GPKOW: variants seen among roughly 807,000 people sequenced by gnomAD.
The protein encoded by GPKOW is G-patch domain and KOW motifs.
For missense variants in GPKOW, 359 were observed against 404.7 expected, an observed-to-expected ratio of 0.89 and a Z score of 0.97; for synonymous variants, 167 against 159.1, an observed-to-expected ratio of 1.05 and a Z score of -0.37.
At chrX:49,121,242 C>T (rs927618658) in intron 3 of GPKOW, among the ~76,000 whole-genome samples, 1 of 109,725 alleles carries the variant, frequency 9.1e-6, no homozygotes, top group Non-Finnish European at 1.9e-5. Context: ...GCCTGACCAA[C>T]GTGGCGAAAC....
rs2065195937 is a variant in GPKOW, at chrX:49,117,015, A to G, written c.913+15T>C. The G allele has an allele frequency of 8.3e-7, 1 of 1,203,441 alleles. No homozygotes were observed. Among genetic ancestry groups the G allele is most frequent in the African/African-American group, 1.7e-5 (1 of 57,496 alleles). On this transcript the variant is annotated intron_variant, in intron 6 of 10. Transcript: ENST00000156109. Reference sequence around the variant, plus strand: ...GCGTTGCCAACTCCCCTAGCTCTACAAGAGGCTCACTCACTGAGATCCAAG... The same window carrying G: ...GCGTTGCCAACTCCCCTAGCTCTACGAGAGGCTCACTCACTGAGATCCAAG...
Position 49,113,778 on chromosome X carries a change from T to C in GPKOW, c.1297-23A>G, listed in dbSNP as rs782039099. The C allele has an allele frequency of 1.2e-5, 15 of 1,206,728 alleles. No homozygotes were observed. The South Asian group carries it at 2.7e-4, about 21-fold the overall frequency. ...CACCTGGAACAGAGGTGAAGTGGAA[T>C]CAGCAAGGCAAGCCTAGACCCTGGG... On this transcript the variant is annotated intron_variant, in intron 10 of 10. Coordinates refer to ENST00000156109, the MANE Select transcript of GPKOW (RefSeq NM_015698.6).
At chrX:49,117,970 G>C (rs1330326477) in intron 4 of GPKOW, among the ~76,000 whole-genome samples, 160 bp from the exon 5 acceptor site, 1 of 103,616 alleles carries the variant, frequency 9.7e-6, no homozygotes, top group Non-Finnish European at 1.9e-5. Flanking sequence ...ATCCAGGCTG[G>C]AGTACAATGG....
chrX:49,117,518 C>T, intron 5 of GPKOW, 79 bp downstream of exon 5: 1 of 740,879 alleles, frequency 1.3e-6, no homozygotes. Context: ...ACCTCAAATC[C>T]AATTATTCCT....
Position 49,113,757 on chromosome X carries a change from T to TG in GPKOW, c.1297-3dup. On this transcript the variant is annotated splice_region_variant and splice_polypyrimidine_tract_variant and intron_variant, in intron 10 of 10. Transcript: ENST00000156109. ...GTCCCGGCTCAGCAAATGTCCCACCTGGAACAGAGGTGAAGTGGAATCAGC... is the reference window on the plus strand; with the variant it reads ...GTCCCGGCTCAGCAAATGTCCCACCTGGGAACAGAGGTGAAGTGGAATCAGC... The TG allele has an allele frequency of 8.3e-7, 1 of 1,208,159 alleles. No homozygotes were observed.
Position 49,122,775 on chromosome X carries a change from C to T in GPKOW, c.178G>A (p.Val60Met). Residue 60 changes from valine to methionine, a missense_variant and splice_region_variant, in exon 2 of 11, where the codon GTG becomes ATG. Transcript: ENST00000156109. ...TCCTTGGGGGCCTCCTGGGGCTTCA[C>T]ACTGATGTGGACACAGAGGGGTGGG... ...KTVEGRELQS[V>M]KPQEAPKELV... 8.3e-7 allele frequency: 1 copy of T among 1,206,893 alleles called. No homozygotes were observed. The highest frequency in any genetic ancestry group is 1.1e-6 in the Non-Finnish European group (1 of 891,589).
rs183308362 is a variant in GPKOW at position 49,121,500 on chromosome X, T to C, written c.456+898A>G. Among the ~76,000 whole-genome samples the C allele has an allele frequency of 2.9e-4, 32 of 111,217 alleles. 1 individual carries two copies. Among genetic ancestry groups the C allele is most frequent in the Admixed American group, 2.6e-3 (27 of 10,352 alleles). ...CACATCTGAAGGCTGAAGAGAACAG[T>C]TCAGTTGAAAGAGAGAGTGGTGTGG... On this transcript the variant is annotated intron_variant, in intron 3 of 10. Coordinates refer to ENST00000156109, the MANE Select transcript of GPKOW (RefSeq NM_015698.6).
intron 9 of GPKOW, among the ~76,000 whole-genome samples, chrX:49,115,514 AAAAAAAAG>A (rs1305984780): frequency 4.5e-5 from 4 of 88,541 alleles, no homozygotes; most frequent in South Asian, 6.4e-4. Flanking sequence ...CTCAAAAAAA[AAAAAAAAG>A]AAAAAAAAGA....
At chrX:49,121,259 T>C (rs2065212130) in intron 3 of GPKOW, among the ~76,000 whole-genome samples, 1 of 109,814 alleles carries the variant, frequency 9.1e-6, no homozygotes, top group Non-Finnish European at 1.9e-5. Context: ...AAACCTCGTC[T>C]CTACTAAAAA....
intron 9 of GPKOW, among the ~76,000 whole-genome samples, chrX:49,114,327 T>C (rs943864393): frequency 3.1e-4 from 34 of 108,759 alleles, no homozygotes; most frequent in African/African-American, 1.0e-3. Flanking sequence ...TTAGTAGAGA[T>C]GGGGTTTTGA....
At chrX:49,115,154 C>T (rs939709609) in intron 9 of GPKOW, among the ~76,000 whole-genome samples, 65 of 109,848 alleles carry the variant, frequency 5.9e-4, no homozygotes, top group South Asian at 1.1e-3. Context: ...GCTCAATACA[C>T]ATTCCTTCAC....
Position 49,115,814 on chromosome X carries a change from G to C in GPKOW, c.1141-19C>G. 8.4e-7 allele frequency: 1 copy of C among 1,196,805 alleles called. No homozygotes were observed. The highest frequency in any genetic ancestry group is 1.1e-6 in the Non-Finnish European group (1 of 881,828). ...TTATCATCTGGGGATACAGGTCAGGGGGATGTGAGATTTTAGAGAGGTAGG... is the reference window on the plus strand; with the variant it reads ...TTATCATCTGGGGATACAGGTCAGGCGGATGTGAGATTTTAGAGAGGTAGG... On this transcript the variant is annotated intron_variant, in intron 8 of 10. Coordinates refer to ENST00000156109, the MANE Select transcript of GPKOW (RefSeq NM_015698.6).
At chrX:49,118,758 A>C (rs2065202853) in intron 4 of GPKOW, among the ~76,000 whole-genome samples, 1 of 104,316 alleles carries the variant, frequency 9.6e-6, no homozygotes, top group South Asian at 4.4e-4. Flanking sequence ...AAAAAAAAAA[A>C]AAAAAAAACG....
At chrX:49,116,477 C>T (rs2065194372) in intron 6 of GPKOW, among the ~76,000 whole-genome samples, 154 bp from the exon 7 acceptor site, 1 of 110,391 alleles carries the variant, frequency 9.1e-6, no homozygotes, top group South Asian at 3.9e-4. Context: ...ACCCCTCATG[C>T]ATTTGCTAGT....
intron 4 of GPKOW, among the ~76,000 whole-genome samples, chrX:49,118,682 C>T (rs972126319): frequency 5.8e-5 from 5 of 86,797 alleles, no homozygotes; most frequent in Admixed American, 3.0e-4. Flanking sequence ...GAGGTCGCAG[C>T]GAGCCGAGAT....
intron 4 of GPKOW, among the ~76,000 whole-genome samples, chrX:49,118,103 T>C (rs1809843256): frequency 9.1e-6 from 1 of 109,477 alleles, no homozygotes; most frequent in African/African-American, 3.3e-5. Context: ...GTATTTTTAG[T>C]AGAGACAGGG....
chrX:49,115,268 G>A (rs1268839990), intron 9 of GPKOW, among the ~76,000 whole-genome samples: 1 of 110,316 alleles, frequency 9.1e-6, no homozygotes, highest in African/African-American at 3.3e-5. Flanking sequence ...CACTTTGGGA[G>A]GCCGAGGTGG....
At position 49,115,836 on chromosome X, in the gene GPKOW, TA is replaced by T. The variant is rs781902877; in HGVS notation, c.1141-42del. 9.5e-5 allele frequency: 113 copies of T among 1,195,395 alleles called. No individual in the cohort carries two copies. In the South Asian group the frequency reaches 1.5e-3, roughly 15 times the overall value. On this transcript the variant is annotated intron_variant, in intron 8 of 10. Coordinates refer to ENST00000156109, the MANE Select transcript of GPKOW (RefSeq NM_015698.6). ...AGGGGGATGTGAGATTTTAGAGAGG[TA>T]GGGGGGCCCAGTCCCTAGGAGAGGG...
chrX:49,116,456 G>A (rs1158417627), intron 6 of GPKOW, 133 bp from the exon 7 acceptor site: 1 of 472,522 alleles, frequency 2.1e-6, no homozygotes, highest in Non-Finnish European at 3.8e-6. Context: ...ACCTGCCAAA[G>A]TGCCCCTCTC....
Sources: allele counts gnomAD v4.1 joint callset (sites outside exome capture counted in the v4.1 genomes callset), GRCh38; gene constraint gnomAD v4.1.1; transcripts MANE v1.5; gene names NCBI Gene and HGNC (gene_info 2026-07-23, HGNC 2026-07-21).